Variants in ME3 observed in about 807,000 individuals in gnomAD.
ME3 encodes malic enzyme 3.
Under a neutral mutation model 68.9 loss-of-function variants are expected in ME3, and 48 were observed. The observed-to-expected ratio is 0.70, with a 90% CI of 0.55 to 0.89. The LOEUF (loss-of-function observed/expected upper bound fraction) is 0.89, where lower values mean the gene tolerates loss of function less well. Among genes scored for constraint, ME3 ranks in the 40% least tolerant of loss-of-function variants. The pLI is 0.00. For missense variants in ME3, 675 were observed against 797.4 expected (o/e 0.85, Z 1.85); for synonymous variants, 320 against 318.8 (o/e 1.00, Z -0.04).
At chr11:86,443,136 T>G (rs1949098199) in intron 13 of ME3, among the ~76,000 whole-genome samples, 1 of 152,144 alleles carries the variant, frequency 6.6e-6, no homozygotes, top group Admixed American at 6.5e-5. Context: ...AAAACAACAT[T>G]AAGTGTCTCT....
chr11:86,558,586 G>T (rs546585822), intron 3 of ME3, among the ~76,000 whole-genome samples: 3 of 152,242 alleles, frequency 2.0e-5, no homozygotes, highest in East Asian at 3.9e-4. Flanking sequence ...CTCCTAGGGG[G>T]ACAGCCACAC....
exon 14 of ME3, chr11:86,442,831 A>G (rs764533635): frequency 9.3e-6 from 15 of 1,611,098 alleles, no homozygotes; most frequent in Non-Finnish European, 1.3e-5. Context: ...TTTGATGGCA[A>G]TTCTCAAAGA....
chr11:86,599,286 G>A (rs549778775), intron 2 of ME3, among the ~76,000 whole-genome samples: 30 of 152,322 alleles, frequency 2.0e-4, no homozygotes, highest in East Asian at 3.8e-4. Flanking sequence ...GCCAAGGCTC[G>A]AGAACTACGT....
At chr11:86,536,964 T>G (rs1367428506) in intron 4 of ME3, among the ~76,000 whole-genome samples, 1 of 151,786 alleles carries the variant, frequency 6.6e-6, no homozygotes, top group African/African-American at 2.4e-5. Flanking sequence ...CCATAAAAAA[T>G]GATGAGTTCA....
chr11:86,508,943 G>A, intron 4 of ME3, 76 bp from the exon 5 acceptor site: 1 of 1,174,954 alleles, frequency 8.5e-7, no homozygotes, highest in South Asian at 1.3e-5. Flanking sequence ...CATAGTACTA[G>A]GTATTGCATT....
rs551624739 is a variant in ME3, at chr11:86,603,099, G to T, written c.184-43276C>A. ...CAACAAAAGCTAAAATTGACAAGTGGTATCTAATTAAACTAAAGAGCTTCA... is the reference window on the plus strand; with the variant it reads ...CAACAAAAGCTAAAATTGACAAGTGTTATCTAATTAAACTAAAGAGCTTCA... On this transcript the variant is annotated intron_variant, in intron 2 of 14. Transcript: ENST00000543262. Among the ~76,000 whole-genome samples, 4 of 152,270 alleles carry T rather than the reference G, an allele frequency of 2.6e-5. No individual in the cohort carries two copies. In the East Asian group the frequency reaches 5.8e-4, roughly 22 times the overall value.
At chr11:86,491,558 T>G (rs1594162822) in intron 6 of ME3, among the ~76,000 whole-genome samples, 1 of 152,140 alleles carries the variant, frequency 6.6e-6, no homozygotes, top group African/African-American at 2.4e-5. Context: ...TGGGCAGAGC[T>G]CCTATGGCTG....
chr11:86,533,712 T>C (rs929556590), intron 4 of ME3, among the ~76,000 whole-genome samples: 2 of 152,172 alleles, frequency 1.3e-5, no homozygotes, highest in African/African-American at 4.8e-5. Flanking sequence ...GCTAATATCC[T>C]TGATGAACAC....
chr11:86,464,034 CT>C, intron 8 of ME3: 1 of 420,208 alleles, frequency 2.4e-6, no homozygotes. Context: ...TTAACCTTAG[CT>C]GTTATTACCT....
intron 4 of ME3, among the ~76,000 whole-genome samples, chr11:86,527,744 T>C (rs867315282): frequency 2.6e-5 from 4 of 152,194 alleles, no homozygotes; most frequent in African/African-American, 9.6e-5. Context: ...GAATTTCATA[T>C]CCAGCCAAAC....
At chr11:86,522,493 T>A (rs1433120845) in intron 4 of ME3, among the ~76,000 whole-genome samples, 1 of 151,858 alleles carries the variant, frequency 6.6e-6, no homozygotes, top group Non-Finnish European at 1.5e-5. Context: ...ATGCATTAGG[T>A]ATTTGTCCTA....
intron 3 of ME3, among the ~76,000 whole-genome samples, chr11:86,556,918 A>C (rs1015264950): frequency 6.6e-6 from 1 of 151,704 alleles, no homozygotes; most frequent in Admixed American, 6.6e-5. Flanking sequence ...TACTGTTCTA[A>C]ATATTTTACA....
intron 2 of ME3, among the ~76,000 whole-genome samples, chr11:86,593,221 C>G (rs1959159396): frequency 2.6e-5 from 3 of 116,912 alleles, no homozygotes; most frequent in African/African-American, 6.5e-5. Flanking sequence ...TAAAAGTTAG[C>G]TACTGCCTGC....
chr11:86,616,751 A>C (rs1463756021), intron 2 of ME3, among the ~76,000 whole-genome samples: 1 of 152,168 alleles, frequency 6.6e-6, no homozygotes, highest in Non-Finnish European at 1.5e-5. Flanking sequence ...AAAGATTGAG[A>C]CACTGTCATA....
intron 2 of ME3, among the ~76,000 whole-genome samples, chr11:86,567,243 A>AAAGAAAGGAAGAAAGG (rs869098620): frequency 0.17 from 24,377 of 144,082 alleles, 2,607 homozygotes; most frequent in Non-Finnish European, 0.24. Flanking sequence ...GAAAAGAAAG[A>AAAGAAAGGAAGAAAGG]AAGGAAGGAA....
chr11:86,519,647 C>A (rs1448579051), intron 4 of ME3, among the ~76,000 whole-genome samples: 2 of 152,204 alleles, frequency 1.3e-5, no homozygotes, highest in Non-Finnish European at 2.9e-5. Context: ...AACCACCATT[C>A]CACATATTTT....
At chr11:86,567,629 G>C (rs1957559241) in intron 2 of ME3, among the ~76,000 whole-genome samples, 3 of 152,204 alleles carry the variant, frequency 2.0e-5, no homozygotes, top group African/African-American at 7.2e-5. Flanking sequence ...TTGGCTGACT[G>C]CCGCCACCTT....
chr11:86,603,676 C>T (rs1961113463), intron 2 of ME3, among the ~76,000 whole-genome samples: 1 of 151,966 alleles, frequency 6.6e-6, no homozygotes, highest in East Asian at 1.9e-4. Flanking sequence ...TTCACAATAG[C>T]AAAGACTTGG....
At chr11:86,532,950 G>A (rs1955369665) in intron 4 of ME3, among the ~76,000 whole-genome samples, 1 of 152,120 alleles carries the variant, frequency 6.6e-6, no homozygotes, top group Non-Finnish European at 1.5e-5. Context: ...TACTCAGGAG[G>A]CTGAGGTGGG....
Sources: gnomAD v4.1 joint callset for allele counts (sites outside exome capture counted in the v4.1 genomes callset) on GRCh38, gnomAD v4.1.1 for gene constraint, MANE v1.5 for transcripts, NCBI Gene and HGNC (gene_info 2026-07-23, HGNC 2026-07-21) for gene names.